NRG1: variants seen among roughly 807,000 people sequenced by gnomAD.
NRG1 encodes pro-neuregulin-1, membrane-bound isoform.
A neutral mutation model predicts 63.8 loss-of-function variants in NRG1; 18 were observed. The observed-to-expected ratio is 0.28, with a 90% confidence interval of 0.19 to 0.42. The LOEUF is 0.42. NRG1 is among the 10% of genes least tolerant of loss of function. The probability of loss-of-function intolerance (pLI) is 1.00; values close to 1 mark genes in which losing one functional copy is unlikely to be tolerated. For missense variants in NRG1, 762 were observed against 814.7 expected, an observed-to-expected ratio of 0.94 and a Z score of 0.79; for synonymous variants, 302 against 301.3, an observed-to-expected ratio of 1.00 and a Z score of -0.02.
intron 1 of NRG1, among the ~76,000 whole-genome samples, chr8:32,556,334 C>T (rs1835170743): frequency 6.6e-6 from 1 of 152,148 alleles, no homozygotes; most frequent in Admixed American, 6.6e-5. Context: ...ACCAATAAAT[C>T]AGCTAAAATC....
chr8:32,529,378 G>A (rs372353249), intron 1 of NRG1, among the ~76,000 whole-genome samples: 4 of 152,172 alleles, frequency 2.6e-5, no homozygotes, highest in East Asian at 1.9e-4. Flanking sequence ...TACTGTATAC[G>A]GCTATAGACT....
At chr8:31,707,302 T>C (rs969989665) in intron 1 of NRG1, among the ~76,000 whole-genome samples, 2 of 152,136 alleles carry the variant, frequency 1.3e-5, no homozygotes, top group Admixed American at 1.3e-4. Context: ...TATTATACAC[T>C]AAATTCTTCT....
intron 1 of NRG1, among the ~76,000 whole-genome samples, chr8:32,036,875 A>G (rs933623463): frequency 1.3e-5 from 2 of 152,110 alleles, no homozygotes; most frequent in Non-Finnish European, 2.9e-5. Flanking sequence ...ATGGATTAGG[A>G]CATACTTCTT....
At chr8:32,530,233 G>A (rs1291072603) in intron 1 of NRG1, among the ~76,000 whole-genome samples, 3 of 151,820 alleles carry the variant, frequency 2.0e-5, no homozygotes, top group Admixed American at 1.3e-4. Context: ...TCAGCCTCCC[G>A]AGTAGCTGGG....
At chr8:31,982,615 AG>A (rs1431470163) in intron 1 of NRG1, among the ~76,000 whole-genome samples, 1 of 152,042 alleles carries the variant, frequency 6.6e-6, no homozygotes, top group Non-Finnish European at 1.5e-5. Flanking sequence ...AGAGGCAGGT[AG>A]GGGCCAAATT....
chr8:32,653,090 A>G (rs1336777172), intron 5 of NRG1, among the ~76,000 whole-genome samples: 5 of 149,864 alleles, frequency 3.3e-5, no homozygotes, highest in African/African-American at 1.2e-4. Context: ...CTCTACATCA[A>G]TGCTTTGTTT....
At chr8:32,076,781 T>A (rs755157041) in intron 1 of NRG1, among the ~76,000 whole-genome samples, 1 of 152,176 alleles carries the variant, frequency 6.6e-6, no homozygotes, top group African/African-American at 2.4e-5. Context: ...CGTGAATGAT[T>A]GTGCCAAATT....
intron 1 of NRG1, among the ~76,000 whole-genome samples, chr8:31,643,459 T>C (rs1331672470): frequency 6.6e-6 from 1 of 152,210 alleles, no homozygotes; most frequent in Admixed American, 6.5e-5. Flanking sequence ...CTCTTGAAAT[T>C]CCTTTTTCTC....
At chr8:32,499,699 T>C (rs529582532) in intron 1 of NRG1, among the ~76,000 whole-genome samples, 66 of 152,074 alleles carry the variant, frequency 4.3e-4, no homozygotes, top group African/African-American at 1.6e-3. Flanking sequence ...AATAAATAAA[T>C]GTTGGATGAA....
chr8:32,080,784 T>C lies in NRG1; in HGVS notation c.37+441353T>C, dbSNP rs925862884. On this transcript the variant is annotated intron_variant, in intron 1 of 10. Transcript: ENST00000519301. ...GTGTGCGTGTGTGTGTGTGTGTGTGTGTGTGTGTGTGTGTGTGTGTGTGTG... is the reference window on the plus strand; with the variant it reads ...GTGTGCGTGTGTGTGTGTGTGTGTGCGTGTGTGTGTGTGTGTGTGTGTGTG... 2.4e-3 allele frequency among the ~76,000 whole-genome samples: 356 copies of C among 151,288 alleles called. 1 individual carries two copies. Among genetic ancestry groups the C allele is most frequent in the Non-Finnish European group, 2.4e-3 (162 of 67,826 alleles).
At chr8:32,321,908 G>T (rs1480461744) in intron 1 of NRG1, among the ~76,000 whole-genome samples, 1 of 151,246 alleles carries the variant, frequency 6.6e-6, no homozygotes, top group Non-Finnish European at 1.5e-5. Context: ...TTCATTATAT[G>T]TAGAGACAAG....
chr8:32,304,702 G>C (rs1457913742), intron 1 of NRG1, among the ~76,000 whole-genome samples: 1 of 152,058 alleles, frequency 6.6e-6, no homozygotes, highest in Non-Finnish European at 1.5e-5. Flanking sequence ...TGTGCCTGTG[G>C]GAGAAGCTAG....
At chr8:31,807,700 A>G (rs897387036) in intron 1 of NRG1, among the ~76,000 whole-genome samples, 1 of 152,138 alleles carries the variant, frequency 6.6e-6, no homozygotes, top group Admixed American at 6.6e-5. Context: ...GTCTTTCTTA[A>G]CTGTAATTTT....
intron 1 of NRG1, among the ~76,000 whole-genome samples, chr8:32,102,393 A>G (rs576005727): frequency 6.6e-6 from 1 of 152,194 alleles, no homozygotes; most frequent in East Asian, 1.9e-4. Flanking sequence ...CCTCCTTGGC[A>G]TCCCAGAGTG....
chr8:31,991,446 G>A (rs1811079198), intron 1 of NRG1, among the ~76,000 whole-genome samples: 1 of 148,888 alleles, frequency 6.7e-6, no homozygotes, highest in Non-Finnish European at 1.5e-5. Flanking sequence ...TATCATTTCA[G>A]TGACCAGTTA....
chr8:32,336,417 C>T (rs1190274278), intron 1 of NRG1, among the ~76,000 whole-genome samples: 1 of 151,842 alleles, frequency 6.6e-6, no homozygotes, highest in Non-Finnish European at 1.5e-5. Flanking sequence ...ATGGGTAGAC[C>T]TGAGGCTGTG....
At chr8:32,471,286 G>T (rs771169913) in intron 1 of NRG1, among the ~76,000 whole-genome samples, 2 of 152,160 alleles carry the variant, frequency 1.3e-5, no homozygotes, top group Admixed American at 1.3e-4. Flanking sequence ...GTGGGTGAAA[G>T]GACACACTAA....
At chr8:32,014,253 T>C (rs1815167962) in intron 1 of NRG1, among the ~76,000 whole-genome samples, 1 of 152,144 alleles carries the variant, frequency 6.6e-6, no homozygotes, top group South Asian at 2.1e-4. Flanking sequence ...TAGTTCTCCT[T>C]GAAGAGGTTC....
chr8:32,031,284 G>T (rs1402973798), intron 1 of NRG1, among the ~76,000 whole-genome samples: 2 of 152,316 alleles, frequency 1.3e-5, no homozygotes, highest in East Asian at 3.9e-4. Context: ...CTTTCCAAAG[G>T]TAGGTAGGTG....
Sources: gnomAD v4.1 joint callset for allele counts (sites outside exome capture counted in the v4.1 genomes callset) on GRCh38, gnomAD v4.1.1 for gene constraint, MANE v1.5 for transcripts, NCBI Gene and HGNC (gene_info 2026-07-23, HGNC 2026-07-21) for gene names.